IRAG1: variants seen among roughly 807,000 people sequenced by gnomAD.
The protein encoded by IRAG1 is inositol 1,4,5-triphosphate receptor associated 1.
Under a neutral mutation model 106.2 loss-of-function variants are expected in IRAG1, and 62 were observed. The ratio of observed to expected loss-of-function variants is 0.58; its 90% CI spans 0.48 to 0.72. The LOEUF (loss-of-function observed/expected upper bound fraction) is 0.72. Ranked by LOEUF, IRAG1 falls within the 30% of genes least tolerant of loss-of-function variation. The pLI, the probability that IRAG1 is intolerant of heterozygous loss-of-function variation, is 0.00. For missense variants in IRAG1, 1,064 were observed against 1,140.7 expected, an observed-to-expected ratio of 0.93 and a Z score of 0.97; for synonymous variants, 462 against 443.9, an observed-to-expected ratio of 1.04 and a Z score of -0.51.
intron 4 of IRAG1, among the ~76,000 whole-genome samples, chr11:10,630,449 G>A (rs1304238113): frequency 1.3e-5 from 2 of 150,918 alleles, no homozygotes; most frequent in African/African-American, 2.4e-5. Flanking sequence ...TCGGCTCACT[G>A]CAACCTCTGC....
At chr11:10,677,554 G>C (rs1427170846) in intron 1 of IRAG1, among the ~76,000 whole-genome samples, 1 of 150,044 alleles carries the variant, frequency 6.7e-6, no homozygotes, top group African/African-American at 2.5e-5. Context: ...CTAGGAGAGG[G>C]GTGCCTAAAC....
chr11:10,593,744 G>T, intron 16 of IRAG1, 145 bp from the exon 17 acceptor site: 1 of 660,554 alleles, frequency 1.5e-6, no homozygotes, highest in Non-Finnish European at 2.6e-6. Context: ...TGATAGAATT[G>T]GTGTGGAGAG....
intron 1 of IRAG1, among the ~76,000 whole-genome samples, chr11:10,674,190 A>T (rs1860468636): frequency 6.6e-6 from 1 of 152,240 alleles, no homozygotes; most frequent in African/African-American, 2.4e-5. Context: ...TTTGCAAGCA[A>T]GCACAGAGAG....
rs114631097 is a variant in IRAG1, at chr11:10,623,350, G to A, written c.1447+428C>T. ...CTGGCAGAAGGTGGACAGGGAACCA[G>A]AGGCTTGGAGGAAGGGGCCTGCAGC... On this transcript the variant is annotated intron_variant, in intron 10 of 20. Transcript: ENST00000423302. Among the ~76,000 whole-genome samples the A allele has an allele frequency of 3.8e-3, 586 of 152,340 alleles. 5 individuals carry two copies. The highest frequency in any genetic ancestry group is 0.013 in the African/African-American group (535 of 41,570).
chr11:10,615,771 G>A (rs1855350875), intron 10 of IRAG1, among the ~76,000 whole-genome samples: 1 of 151,826 alleles, frequency 6.6e-6, no homozygotes, highest in Non-Finnish European at 1.5e-5. Context: ...ATCACACACC[G>A]GGGCCTGTGG....
chr11:10,588,276 C>T (rs1382550886), intron 18 of IRAG1, among the ~76,000 whole-genome samples: 1 of 152,204 alleles, frequency 6.6e-6, no homozygotes, highest in Non-Finnish European at 1.5e-5. Context: ...TGTTAACCTC[C>T]TGTTCACCTA....
intron 1 of IRAG1, among the ~76,000 whole-genome samples, chr11:10,661,687 TCTC>T (rs1859415204): frequency 6.6e-6 from 1 of 152,138 alleles, no homozygotes; most frequent in South Asian, 2.1e-4. Flanking sequence ...CACATTTCCT[TCTC>T]CTCTGACTTT....
At chr11:10,637,236 T>C (rs573267389) in intron 2 of IRAG1, among the ~76,000 whole-genome samples, 1 of 152,312 alleles carries the variant, frequency 6.6e-6, no homozygotes, top group East Asian at 1.9e-4. Context: ...ATAGGAGCTG[T>C]GTCTCCATTT....
intron 2 of IRAG1, among the ~76,000 whole-genome samples, chr11:10,644,220 C>G (rs1857763369): frequency 6.6e-6 from 1 of 152,182 alleles, no homozygotes. Context: ...CACAGCACAG[C>G]TAGGTGATCT....
chr11:10,643,567 A>G (rs1417548817), intron 2 of IRAG1, among the ~76,000 whole-genome samples: 3 of 152,214 alleles, frequency 2.0e-5, no homozygotes, highest in Non-Finnish European at 4.4e-5. Context: ...TAACTCAGCT[A>G]GTCGTTCATC....
chr11:10,582,472 G>A (rs1385602388), intron 18 of IRAG1, among the ~76,000 whole-genome samples: 2 of 152,006 alleles, frequency 1.3e-5, no homozygotes, highest in Non-Finnish European at 2.9e-5. Flanking sequence ...TTAGCAGAAG[G>A]AAAAGCCCCA....
intron 1 of IRAG1, among the ~76,000 whole-genome samples, chr11:10,671,664 A>G (rs1172417811): frequency 6.6e-6 from 1 of 152,178 alleles, no homozygotes; most frequent in African/African-American, 2.4e-5. Context: ...GTGAGCCAAG[A>G]TCACACCACT....
In IRAG1 at chr11:10,629,708, G is replaced by A; in HGVS notation, c.404C>T (p.Pro135Leu). 1.9e-6 allele frequency: 3 copies of A among 1,613,078 alleles called. No individual in the cohort carries two copies. Among genetic ancestry groups the A allele is most frequent in the Non-Finnish European group, 2.5e-6 (3 of 1,179,468 alleles). ...CACCAGGTCAATGATGTGCCCCGCG[G>A]GGTCTGCAGAAGGAGGATGAGCTGG... is the stretch of plus-strand genomic sequence containing the variant. Reference protein sequence around the residue: ...VSTASLTSVDPAGHIIDLVND... With the variant: ...VSTASLTSVDLAGHIIDLVND... Residue 135 changes from proline to leucine, a missense_variant, in exon 5 of 21, where the codon CCC becomes CTC. Coordinates refer to ENST00000423302, the MANE Select transcript of IRAG1 (RefSeq NM_130385.4).
At chr11:10,681,334 T>G (rs1047834824) in intron 1 of IRAG1, among the ~76,000 whole-genome samples, 2 of 152,206 alleles carry the variant, frequency 1.3e-5, no homozygotes, top group Non-Finnish European at 2.9e-5. Flanking sequence ...AGTGCCTTGT[T>G]AATAAAAAAG....
At chr11:10,655,779 C>G (rs991732313) in intron 1 of IRAG1, among the ~76,000 whole-genome samples, 1 of 152,224 alleles carries the variant, frequency 6.6e-6, no homozygotes, top group Non-Finnish European at 1.5e-5. Context: ...TCCTCCACCT[C>G]CCTCTCTTCC....
At chr11:10,684,987 A>T (rs1229751795) in intron 1 of IRAG1, among the ~76,000 whole-genome samples, 1 of 152,200 alleles carries the variant, frequency 6.6e-6, no homozygotes, top group African/African-American at 2.4e-5. Context: ...GCTCTGGAAG[A>T]GTCTCTCTGC....
chr11:10,591,464 G>T, intron 18 of IRAG1, 84 bp downstream of exon 18: 1 of 1,198,768 alleles, frequency 8.3e-7, no homozygotes, highest in Non-Finnish European at 1.2e-6. Flanking sequence ...TGCATTTTGG[G>T]GATAAAAATG....
At chr11:10,590,597 A>G (rs933825180) in intron 18 of IRAG1, among the ~76,000 whole-genome samples, 1 of 137,598 alleles carries the variant, frequency 7.3e-6, no homozygotes, top group African/African-American at 3.0e-5. Context: ...TTACCAAGTG[A>G]GAAAAGACAC....
intron 8 of IRAG1, among the ~76,000 whole-genome samples, chr11:10,627,257 C>T (rs1413576089): frequency 6.6e-6 from 1 of 152,160 alleles, no homozygotes; most frequent in African/African-American, 2.4e-5. Context: ...CTAAATTCTA[C>T]TGCTGCCCTT....
Sources: allele counts gnomAD v4.1 joint callset (sites outside exome capture counted in the v4.1 genomes callset), GRCh38; gene constraint gnomAD v4.1.1; transcripts MANE v1.5; gene names NCBI Gene and HGNC (gene_info 2026-07-23, HGNC 2026-07-21).